DIXDC1: variants seen among roughly 807,000 people sequenced by gnomAD.
DIXDC1 encodes DIX domain containing 1.
In DIXDC1, 64 loss-of-function variants were observed where a neutral mutation model predicts 103.1. The observed-to-expected ratio is 0.62, with a 90% CI of 0.51 to 0.76. The LOEUF (loss-of-function observed/expected upper bound fraction) is 0.76, where lower values mean the gene tolerates loss of function less well. Ranked by LOEUF, DIXDC1 falls within the 30% of genes least tolerant of loss-of-function variation. The pLI is 0.00. For missense variants in DIXDC1, 759 were observed against 834.2 expected (o/e 0.91, Z 1.11); for synonymous variants, 266 against 298.5 (o/e 0.89, Z 1.12).
rs190042959 is a variant in DIXDC1, at chr11:112,019,113, A to T, written c.*77A>T. 3.0e-3 allele frequency: 3,744 copies of T among 1,246,986 alleles called. 11 individuals are homozygous for T. Among genetic ancestry groups the T allele is most frequent in the Non-Finnish European group, 4.0e-3 (3,514 of 868,052 alleles). The allele number at this position is 1,246,986 out of a possible 1,614,324, so 77.2% of individuals were successfully genotyped here. On this transcript the variant is annotated 3_prime_UTR_variant, in exon 20 of 20. Transcript: ENST00000440460. ...TCACTCAGGAAAGGGAACTAAAACC[A>T]GAATACACTAAGAAGTTTCTAGTTT...
rs181789219 is a variant in DIXDC1, at chr11:112,008,624, A to G, written c.1757-8067A>G. 6.9e-3 allele frequency among the ~76,000 whole-genome samples: 1,044 copies of G among 152,350 alleles called. 5 individuals carry two copies. The highest frequency in any genetic ancestry group is 0.051 in the Middle Eastern group (15 of 294). On this transcript the variant is annotated intron_variant, in intron 17 of 19. Coordinates refer to ENST00000440460, the MANE Select transcript of DIXDC1 (RefSeq NM_001037954.4). ...AAACTGTCTCTCAGACCACAGCACA[A>G]TCAAATTAGAACTCAGGATTAAGAA...
At chr11:112,004,483 T>C (rs1201837490) in intron 17 of DIXDC1, among the ~76,000 whole-genome samples, 1 of 152,140 alleles carries the variant, frequency 6.6e-6, no homozygotes, top group African/African-American at 2.4e-5. Flanking sequence ...GGAAACTATC[T>C]TGGACTCAGA....
At chr11:112,014,000 GC>G (rs1861510644) in intron 17 of DIXDC1, among the ~76,000 whole-genome samples, 1 of 152,104 alleles carries the variant, frequency 6.6e-6, no homozygotes, top group South Asian at 2.1e-4. Flanking sequence ...TTTTTAACAA[GC>G]AGTTTTGTGG....
chr11:112,005,051 A>G (rs1176130588), intron 17 of DIXDC1, among the ~76,000 whole-genome samples: 2 of 152,260 alleles, frequency 1.3e-5, no homozygotes, highest in African/African-American at 4.8e-5. Flanking sequence ...ATATATGACA[A>G]GGATGTCGAA....
At chr11:111,951,075 A>G (rs1555169924) in intron 1 of DIXDC1, among the ~76,000 whole-genome samples, 5 of 152,222 alleles carry the variant, frequency 3.3e-5, no homozygotes, top group Non-Finnish European at 7.4e-5. Flanking sequence ...ACAAAATAAG[A>G]AATGACAATA....
At chr11:111,938,119 G>A (rs1555168446) in intron 1 of DIXDC1, among the ~76,000 whole-genome samples, 3 of 152,208 alleles carry the variant, frequency 2.0e-5, no homozygotes, top group Non-Finnish European at 4.4e-5. Flanking sequence ...CTGAGCGAGA[G>A]GGGACCTGGG....
intron 15 of DIXDC1, 47 bp downstream of exon 15, chr11:111,995,155 C>T: frequency 6.3e-7 from 1 of 1,586,744 alleles, no homozygotes; most frequent in Non-Finnish European, 8.6e-7. Context: ...CTCACTGAAA[C>T]CAGAAGAGTG....
upstream of DIXDC1, among the ~76,000 whole-genome samples, chr11:111,933,137 T>G (rs587625248): frequency 6.7e-6 from 1 of 149,846 alleles, no homozygotes; most frequent in South Asian, 2.1e-4. Context: ...TTTCTTTTGG[T>G]TTTTTTTTGA....
At chr11:111,962,461 G>A (rs1859612956) in intron 1 of DIXDC1, among the ~76,000 whole-genome samples, 1 of 151,528 alleles carries the variant, frequency 6.6e-6, no homozygotes, top group Admixed American at 6.6e-5. Context: ...CAGCCTGGGC[G>A]ACAGAGCAAG....
intron 7 of DIXDC1, among the ~76,000 whole-genome samples, 196 bp downstream of exon 7, chr11:111,982,683 C>G (rs1226227110): frequency 6.6e-6 from 1 of 152,166 alleles, no homozygotes; most frequent in Non-Finnish European, 1.5e-5. Context: ...GGCTACCGTT[C>G]ATAGCACAGC....
Position 111,977,529 on chromosome 11 carries a change from G to GA in DIXDC1, c.656+2546_656+2547insA, listed in dbSNP as rs1860150055. ...GCCGGGCTGCTGCACAGTCTGAGCG[G>GA]CCGGGACTGCGCGCTTCAGAGCCTG... On this transcript the variant is annotated intron_variant, in intron 5 of 19. Transcript: ENST00000440460. This position sits in a 1 kb window ranked among gnomAD's most constrained non-coding sequence, Gnocchi z 6.1. The GA allele has an allele frequency of 3.5e-6, 5 of 1,423,424 alleles. No individual in the cohort carries two copies. The highest frequency in any genetic ancestry group is 3.0e-5 in the African/African-American group (2 of 67,218). 88.2% of individuals were successfully genotyped at this position (1,423,424 alleles called of 1,614,324 possible).
Position 111,974,255 on chromosome 11 carries a change from G to A in DIXDC1, c.548+1G>A. On this transcript the variant is annotated splice_donor_variant, in intron 4 of 19. Coordinates refer to ENST00000440460, the MANE Select transcript of DIXDC1 (RefSeq NM_001037954.4). LOFTEE classifies it high-confidence loss of function. The stretch of plus-strand genomic sequence containing the variant: ...GGGATGTCTTTCGATATAGACAGAG[G>A]TAAGGGTAGAAATCTGGGGGTGGGA... 2 of 1,611,446 alleles carry A rather than the reference G, an allele frequency of 1.2e-6. No homozygotes were observed. Among genetic ancestry groups the A allele is most frequent in the Non-Finnish European group, 8.5e-7 (1 of 1,178,846 alleles).
At chr11:111,936,845 AGTGTGTGTGTGTGTGT>A (rs57332873), upstream of DIXDC1, among the ~76,000 whole-genome samples, 1 of 140,756 alleles carries the variant, frequency 7.1e-6, no homozygotes, top group African/African-American at 2.6e-5. Context: ...TTAAGTTAGC[AGTGTGTGTGTGTGTGT>A]GTGTGTGTGT....
upstream of DIXDC1, chr11:111,937,141 G>GGGGGTT: frequency 8.0e-6 from 6 of 751,974 alleles, no homozygotes; most frequent in Non-Finnish European, 9.7e-6. Context: ...CGGGGGGGGG[G>GGGGGTT]TGTGCGCGTG....
At position 111,993,754 on chromosome 11, in the gene DIXDC1, CG is replaced by C; in HGVS notation, c.1437+15del. The C allele has an allele frequency of 6.2e-7, 1 of 1,613,166 alleles. No individual in the cohort carries two copies. Among genetic ancestry groups the C allele is most frequent in the Non-Finnish European group, 8.5e-7 (1 of 1,179,508 alleles). Reference sequence around the variant, plus strand: ...GAGGCAGATGAGGTAACCTAGACCCCGTGTTCTCCCTCCCACATTTATGAAG... The same window carrying C: ...GAGGCAGATGAGGTAACCTAGACCCCTGTTCTCCCTCCCACATTTATGAAG... On this transcript the variant is annotated intron_variant, in intron 14 of 19. Transcript: ENST00000440460.
chr11:111,961,054 G>A (rs1859559778), intron 1 of DIXDC1, among the ~76,000 whole-genome samples: 1 of 152,192 alleles, frequency 6.6e-6, no homozygotes, highest in South Asian at 2.1e-4. Flanking sequence ...ATGCTTTCAT[G>A]TGCATATGAA....
chr11:112,002,571 G>A (rs971385472), intron 17 of DIXDC1, among the ~76,000 whole-genome samples: 16 of 151,914 alleles, frequency 1.1e-4, no homozygotes, highest in African/African-American at 3.6e-4. Flanking sequence ...CAGGAAGATC[G>A]CTTGAGCTCA....
intron 17 of DIXDC1, among the ~76,000 whole-genome samples, chr11:112,000,146 TAATAA>T (rs1462998865): frequency 5.9e-5 from 9 of 151,374 alleles, no homozygotes; most frequent in African/African-American, 1.2e-4. Flanking sequence ...AAAATAATAA[TAATAA>T]AATAAAATAA....
chr11:112,006,299 G>C (rs1307872549), intron 17 of DIXDC1, among the ~76,000 whole-genome samples: 6 of 152,064 alleles, frequency 3.9e-5, no homozygotes, highest in African/African-American at 1.2e-4. Context: ...AAACTGGGCG[G>C]AGCCCACCAC....
Sources: allele counts gnomAD v4.1 joint callset (sites outside exome capture counted in the v4.1 genomes callset), GRCh38; gene constraint gnomAD v4.1.1; non-coding constraint Gnocchi (gnomAD v3.1); transcripts MANE v1.5; gene names NCBI Gene and HGNC (gene_info 2026-07-23, HGNC 2026-07-21).